Variants in ATP13A4 observed in about 807,000 individuals in gnomAD.
ATP13A4 encodes the protein ATPase 13A4.
A neutral mutation model predicts 142.5 loss-of-function variants in ATP13A4; 114 were observed. That is an observed-to-expected ratio of 0.80 (90% CI 0.69 to 0.93). The LOEUF (loss-of-function observed/expected upper bound fraction) is 0.93. ATP13A4 is among the 40% of genes least tolerant of loss of function. The pLI is 0.00. For synonymous variants in ATP13A4, 488 were observed against 514.8 expected (o/e 0.95, Z 0.70); for missense variants, 1,392 against 1,454.0 (o/e 0.96, Z 0.69).
intron 8 of ATP13A4, 58 bp from the exon 9 acceptor site, chr3:193,471,051 A>T: frequency 6.2e-7 from 1 of 1,607,150 alleles, no homozygotes; most frequent in Non-Finnish European, 8.5e-7. Context: ...AATACAATCC[A>T]ACATCTATTT....
intron 2 of ATP13A4, chr3:193,581,673 T>C (rs568524692): frequency 6.6e-6 from 1 of 151,820 alleles, no homozygotes; most frequent in Non-Finnish European, 1.5e-5. Flanking sequence ...CTCAAGAGAG[T>C]GTTAGGAAGG....
chr3:193,583,155 G>A (rs1486986473), intron 1 of ATP13A4, among the ~76,000 whole-genome samples: 1 of 151,640 alleles, frequency 6.6e-6, no homozygotes, highest in Non-Finnish European at 1.5e-5. Context: ...AGAAGGGGCT[G>A]GGTGCAGTGG....
intron 8 of ATP13A4, among the ~76,000 whole-genome samples, chr3:193,482,977 G>C (rs1168958515): frequency 6.6e-6 from 1 of 152,064 alleles, no homozygotes; most frequent in East Asian, 1.9e-4. Context: ...AATAGCCAAA[G>C]ACTGGAACCC....
intron 1 of ATP13A4, among the ~76,000 whole-genome samples, chr3:193,550,939 A>G (rs1373830530): frequency 3.9e-5 from 6 of 152,212 alleles, no homozygotes; most frequent in Admixed American, 2.6e-4. Flanking sequence ...AATTCCTTCA[A>G]AATAGAAATA....
chr3:193,494,959 A>T (rs1720144637), intron 3 of ATP13A4, among the ~76,000 whole-genome samples: 1 of 152,168 alleles, frequency 6.6e-6, no homozygotes, highest in East Asian at 1.9e-4. Flanking sequence ...ACCCTAGGAG[A>T]TTATTATAAA....
At chr3:193,410,903 T>C in intron 28 of ATP13A4, 79 bp downstream of exon 28, 14 of 943,274 alleles carry the variant, frequency 1.5e-5, no homozygotes, top group South Asian at 1.3e-4. Context: ...ATCATGTCAA[T>C]TGAAATTGTG....
intron 1 of ATP13A4, among the ~76,000 whole-genome samples, chr3:193,590,371 G>A (rs1724739533): frequency 6.6e-6 from 1 of 152,194 alleles, no homozygotes; most frequent in Non-Finnish European, 1.5e-5. Flanking sequence ...GGGTGAGTCT[G>A]AAATATACCG....
chr3:193,491,646 T>C (rs2108664847), intron 5 of ATP13A4, among the ~76,000 whole-genome samples: 1 of 152,310 alleles, frequency 6.6e-6, no homozygotes, highest in Non-Finnish European at 1.5e-5. Flanking sequence ...AATATTTTCC[T>C]AAATGGTATT....
At chr3:193,408,039 C>T (rs763365212) in intron 28 of ATP13A4, among the ~76,000 whole-genome samples, 1 of 152,222 alleles carries the variant, frequency 6.6e-6, no homozygotes, top group African/African-American at 2.4e-5. Flanking sequence ...TGTGTCTTCC[C>T]CAACCCCTTC....
chr3:193,481,719 T>A (rs1296103720), intron 8 of ATP13A4, among the ~76,000 whole-genome samples: 1 of 152,168 alleles, frequency 6.6e-6, no homozygotes, highest in Admixed American at 6.5e-5. Context: ...ATCTTAGGAA[T>A]ACTCTAAGGA....
intron 17 of ATP13A4, among the ~76,000 whole-genome samples, chr3:193,449,827 T>C (rs1397685253): frequency 6.6e-6 from 1 of 152,064 alleles, no homozygotes; most frequent in Non-Finnish European, 1.5e-5. Flanking sequence ...CAGATAGAAA[T>C]CATTGCTCCC....
chr3:193,495,263 C>T (rs555002360), intron 3 of ATP13A4, among the ~76,000 whole-genome samples: 1 of 152,086 alleles, frequency 6.6e-6, no homozygotes, highest in South Asian at 2.1e-4. Context: ...ATATGCATCA[C>T]CCTGATAACA....
At chr3:193,567,671 C>T (rs913454889) in intron 2 of ATP13A4, among the ~76,000 whole-genome samples, 1 of 152,204 alleles carries the variant, frequency 6.6e-6, no homozygotes, top group African/African-American at 2.4e-5. Flanking sequence ...ACTCCCTGCA[C>T]TGTCCTTAGA....
At chr3:193,483,538 C>T (rs369935093) in intron 8 of ATP13A4, among the ~76,000 whole-genome samples, 1 of 152,164 alleles carries the variant, frequency 6.6e-6, no homozygotes, top group Admixed American at 6.5e-5. Context: ...GATCTCGGCT[C>T]ACTGCAAGCT....
chr3:193,562,402 A>G (rs1487522251), intron 2 of ATP13A4, among the ~76,000 whole-genome samples: 1 of 152,222 alleles, frequency 6.6e-6, no homozygotes, highest in Non-Finnish European at 1.5e-5. Flanking sequence ...ATATTATTAA[A>G]TGCATTCATC....
intron 9 of ATP13A4, among the ~76,000 whole-genome samples, chr3:193,469,599 A>G (rs895067088): frequency 1.3e-5 from 2 of 152,194 alleles, no homozygotes; most frequent in African/African-American, 4.8e-5. Context: ...CTGCACTTCA[A>G]CCTGCGTGAC....
intron 29 of ATP13A4, among the ~76,000 whole-genome samples, chr3:193,403,497 C>T (rs1049201621): frequency 6.6e-6 from 1 of 152,154 alleles, no homozygotes; most frequent in African/African-American, 2.4e-5. Context: ...CAATGCAGGG[C>T]AGGGCAGGGC....
In ATP13A4 at chr3:193,593,101, C is replaced by T. The variant is rs181230813; in HGVS notation, n.11G>A. On this transcript the variant is annotated non_coding_transcript_exon_variant, in exon 1 of 4. Transcript: ENST00000489140. ...AGGCGATGGATTGCTCCAGTCCGTT[C>T]CCGACGCACTGTGCGCATGCGCTGG... 1.5e-3 allele frequency: 637 copies of T among 419,404 alleles called. 4 individuals are homozygous for T. The highest frequency in any genetic ancestry group is 0.012 in the African/African-American group (565 of 48,904). The allele number at this position is 419,404 out of a possible 1,614,324, so 26.0% of individuals were successfully genotyped here.
chr3:193,529,619 CAT>C (rs2307820), intron 1 of ATP13A4, among the ~76,000 whole-genome samples: 74,778 of 151,614 alleles, frequency 0.49, 18,509 homozygotes, highest in South Asian at 0.59. Context: ...ACCAATTTCA[CAT>C]GTTACACAAA....
Sources: allele counts gnomAD v4.1 joint callset (sites outside exome capture counted in the v4.1 genomes callset), GRCh38; gene constraint gnomAD v4.1.1; transcripts MANE v1.5; gene names NCBI Gene and HGNC (gene_info 2026-07-23, HGNC 2026-07-21).